KDM3A: variants seen among roughly 807,000 people sequenced by gnomAD.
KDM3A encodes lysine-specific demethylase 3A.
Under a neutral mutation model 158.0 loss-of-function variants are expected in KDM3A, and 60 were observed. The observed-to-expected ratio is 0.38, with a 90% CI of 0.31 to 0.47. The LOEUF (loss-of-function observed/expected upper bound fraction) is 0.47, where lower values mean the gene tolerates loss of function less well. Among genes scored for constraint, KDM3A ranks in the 20% least tolerant of loss-of-function variants. KDM3A has a pLI of 0.99. For missense variants in KDM3A, 1,319 were observed against 1,574.3 expected (o/e 0.84, Z 2.74); for synonymous variants, 608 against 549.3 (o/e 1.11, Z -1.49).
chr2:86,453,908 GT>G (rs1558608011), intron 4 of KDM3A, among the ~76,000 whole-genome samples: 2 of 152,212 alleles, frequency 1.3e-5, no homozygotes, highest in African/African-American at 4.8e-5. Context: ...AAGGGCTTCT[GT>G]GTTGAGCACT....
At chr2:86,455,460 CA>C (rs1672650104) in intron 5 of KDM3A, among the ~76,000 whole-genome samples, 1 of 151,708 alleles carries the variant, frequency 6.6e-6, no homozygotes, top group African/African-American at 2.4e-5. Context: ...ACTATTTCAC[CA>C]TGTTGGCCAG....
At chr2:86,491,628 AGG>A (rs1232839901) in intron 25 of KDM3A, 1 of 323,174 alleles carries the variant, frequency 3.1e-6, no homozygotes, top group Non-Finnish European at 5.8e-6. Flanking sequence ...CATCACTCTT[AGG>A]TAGAGCAGAA....
chr2:86,470,535 A>G, intron 11 of KDM3A, 127 bp downstream of exon 11: 6 of 720,362 alleles, frequency 8.3e-6, no homozygotes, highest in Non-Finnish European at 1.2e-5. Context: ...TGTTGCATTT[A>G]TAATCTCTAG....
At chr2:86,454,810 A>G (rs1672617966) in intron 4 of KDM3A, among the ~76,000 whole-genome samples, 1 of 152,180 alleles carries the variant, frequency 6.6e-6, no homozygotes, top group African/African-American at 2.4e-5. Flanking sequence ...AAAGTTAGTC[A>G]TTTTTAAAAT....
At chr2:86,481,193 A>G (rs1452182647) in intron 16 of KDM3A, among the ~76,000 whole-genome samples, 1 of 152,086 alleles carries the variant, frequency 6.6e-6, no homozygotes, top group Non-Finnish European at 1.5e-5. Flanking sequence ...AAGAGTTTAA[A>G]CCAAAAAACA....
chr2:86,482,787 C>G (rs909122856), intron 18 of KDM3A, 93 bp downstream of exon 18: 14 of 1,064,066 alleles, frequency 1.3e-5, no homozygotes, highest in Non-Finnish European at 2.0e-5. Context: ...GGCTTTCCCC[C>G]TCCTTCACCT....
At chr2:86,450,390 A>G (rs1425649979) in intron 3 of KDM3A, among the ~76,000 whole-genome samples, 1 of 152,244 alleles carries the variant, frequency 6.6e-6, no homozygotes, top group Non-Finnish European at 1.5e-5. Flanking sequence ...CTAGAGCCAA[A>G]TAGTAGCTGT....
intron 5 of KDM3A, 100 bp downstream of exon 5, chr2:86,455,287 C>A: frequency 7.8e-5 from 47 of 603,554 alleles, no homozygotes; most frequent in Non-Finnish European, 1.1e-4. Context: ...ATGGAAATTT[C>A]TTTTTTCTTT....
intron 8 of KDM3A, among the ~76,000 whole-genome samples, chr2:86,458,576 A>C (rs920954789): frequency 2.6e-5 from 4 of 152,136 alleles, no homozygotes; most frequent in South Asian, 2.1e-4. Context: ...ATTCCATAGG[A>C]TAGTGAGGGA....
rs145449611 is a variant in KDM3A at position 86,470,342 on chromosome 2, G to T, written c.1658G>T (p.Ser553Ile). 6.9e-5 allele frequency: 112 copies of T among 1,613,974 alleles called. No homozygotes were observed. The highest frequency in any genetic ancestry group is 8.7e-5 in the Non-Finnish European group (103 of 1,179,980). The change falls in exon 11 of 26, where the codon AGT (serine) becomes ATT (isoleucine). Residue 553 changes from serine to isoleucine, a missense_variant. By Grantham distance (142) the Ser-to-Ile change is moderately radical (BLOSUM62 -2). Transcript: ENST00000312912. The stretch of plus-strand genomic sequence containing the variant: ...AAATGCCGAGAGTGTCGCTTGGACA[G>T]TCTCCGCAAGGATAAGGAGCAACAG... ...LPKCRECRLD[S>I]LRKDKEQQKD...
rs1332104366 is a variant in KDM3A, at chr2:86,474,907, A to G, written c.1856A>G (p.Lys619Arg). Residue 619 changes from lysine (K) to arginine (R), a missense_variant, in exon 12 of 26, where the codon AAG becomes AGG. By Grantham distance (26) the Lys-to-Arg change is conservative. Transcript: ENST00000312912. ...GTGGGGATTGATTTGGACACAGCAA[A>G]GTACATCTTGGCCAACATTGGAGAC... is the stretch of plus-strand genomic sequence containing the variant. ...NVVGIDLDTA[K>R]YILANIGDHF... 6.2e-7 allele frequency: 1 copy of G among 1,614,110 alleles called. No individual in the cohort carries two copies. The highest frequency in any genetic ancestry group is 8.5e-7 in the Non-Finnish European group (1 of 1,180,018).
rs193243064 is a variant in KDM3A, at chr2:86,445,544, G to T, written c.186+3311G>T. Among the ~76,000 whole-genome samples, 24 of 152,078 alleles carry T rather than the reference G, an allele frequency of 1.6e-4. No individual in the cohort carries two copies. In the East Asian group the frequency reaches 3.5e-3, roughly 22 times the overall value. Reference sequence around the variant, plus strand: ...CTTAACTTGTCCTTTTTTCTTTGAAGCCTACCTGTTTCTTGCGTCTAATGC... The same window carrying T: ...CTTAACTTGTCCTTTTTTCTTTGAATCCTACCTGTTTCTTGCGTCTAATGC... On this transcript the variant is annotated intron_variant, in intron 2 of 25. Transcript: ENST00000312912.
At position 86,456,827 on chromosome 2, in the gene KDM3A, A is replaced by C; in HGVS notation, c.704A>C (p.Asp235Ala). 1 of 1,612,442 alleles carries C rather than the reference A, an allele frequency of 6.2e-7. No individual in the cohort carries two copies. Among genetic ancestry groups the C allele is most frequent in the South Asian group, 1.1e-5 (1 of 90,968 alleles). ...CEEIPALKIV[D>A]PSLIHVEVVH... ...AAGATTCCAGCACTGAAAATTGTTG[A>C]TCCGTCACTGATTCATGTTGAAGTT... Residue 235 changes from aspartate (D) to alanine (A), a missense_variant, in exon 7 of 26, where the codon GAT (aspartate) becomes GCT (alanine). By Grantham distance (126) the Asp-to-Ala change is moderately radical. Coordinates refer to ENST00000312912, the MANE Select transcript of KDM3A (RefSeq NM_018433.6).
rs754544342 is a variant in KDM3A at position 86,451,090 on chromosome 2, T to C, written c.343-13T>C. The C allele has an allele frequency of 5.7e-6, 9 of 1,565,410 alleles. No homozygotes were observed. Among genetic ancestry groups the C allele is most frequent in the Admixed American group, 1.9e-5 (1 of 51,438 alleles). On this transcript the variant is annotated splice_polypyrimidine_tract_variant and intron_variant, in intron 3 of 25. Transcript: ENST00000312912. Reference sequence around the variant, plus strand: ...CAGCAGTTATGATGCTAAAGTGTTTTCTTTTGTTTTAGACGTACAAACCTC... The same window carrying C: ...CAGCAGTTATGATGCTAAAGTGTTTCCTTTTGTTTTAGACGTACAAACCTC...
chr2:86,488,149 T>C (rs1179367552), intron 21 of KDM3A: 4 of 152,246 alleles, frequency 2.6e-5, no homozygotes, highest in African/African-American at 9.6e-5. Context: ...ATCAGATTTT[T>C]TATATTCATC....
rs530068556 is a variant in KDM3A, at chr2:86,466,807, A to C, written c.1443A>C (p.Ser481=). 1 of 1,613,460 alleles carries C rather than the reference A, an allele frequency of 6.2e-7. No homozygotes were observed. The highest frequency in any genetic ancestry group is 1.1e-5 in the South Asian group (1 of 91,070). The change falls in exon 10 of 26, where the codon TCA becomes TCC. Residue 481 remains serine (S), a synonymous_variant. Coordinates refer to ENST00000312912, the MANE Select transcript of KDM3A (RefSeq NM_018433.6). ...AACCTTCAGCTTTAGCTTGCCGATCACAGAATTTAAAGGAATCTTCAGTAA... is the reference window on the plus strand; with the variant it reads ...AACCTTCAGCTTTAGCTTGCCGATCCCAGAATTTAAAGGAATCTTCAGTAA... ...KVEPSALACR[S]QNLKESSVKV...
chr2:86,470,669 C>T (rs768838198), intron 11 of KDM3A, among the ~76,000 whole-genome samples: 1 of 151,942 alleles, frequency 6.6e-6, no homozygotes, highest in East Asian at 1.9e-4. Flanking sequence ...AGAAAAATGT[C>T]GAAGGTTCTG....
intron 12 of KDM3A, among the ~76,000 whole-genome samples, chr2:86,477,068 T>G (rs949208766): frequency 1.3e-5 from 2 of 151,978 alleles, no homozygotes; most frequent in African/African-American, 4.8e-5. Context: ...GTTCCCTGAT[T>G]TGGCACTCCT....
At chr2:86,477,544 T>A in intron 12 of KDM3A, among the ~76,000 whole-genome samples, 1 of 152,170 alleles carries the variant, frequency 6.6e-6, no homozygotes, top group Non-Finnish European at 1.5e-5. Context: ...TGTTGTGTGA[T>A]AACCTGTGTC....
Sources: gnomAD v4.1 joint callset for allele counts (sites outside exome capture counted in the v4.1 genomes callset) on GRCh38, gnomAD v4.1.1 for gene constraint, MANE v1.5 for transcripts, NCBI Gene and HGNC (gene_info 2026-07-23, HGNC 2026-07-21) for gene names.